NAV2: variants seen among roughly 807,000 people sequenced by gnomAD.
NAV2 encodes the protein neuron navigator 2, also known as helicase, APC down-regulated 1.
Under a neutral mutation model 223.2 loss-of-function variants are expected in NAV2, and 54 were observed. The ratio of observed to expected loss-of-function variants is 0.24; its 90% confidence interval spans 0.19 to 0.30. The LOEUF is 0.30. Among genes scored for constraint, NAV2 ranks in the 10% least tolerant of loss-of-function variants. The probability of loss-of-function intolerance (pLI) is 1.00; values close to 1 mark genes in which losing one functional copy is unlikely to be tolerated. For missense variants in NAV2, 2,806 were observed against 3,147.5 expected (o/e 0.89, Z 2.60); for synonymous variants, 1,279 against 1,239.3 (o/e 1.03, Z -0.67).
chr11:19,549,986 G>A (rs923495361), intron 1 of NAV2, among the ~76,000 whole-genome samples: 5 of 152,220 alleles, frequency 3.3e-5, no homozygotes, highest in African/African-American at 9.6e-5. Flanking sequence ...AGCCTCCCCC[G>A]GCTTCTGCTG....
chr11:19,405,181 T>C (rs1849842056), intron 1 of NAV2, among the ~76,000 whole-genome samples: 1 of 152,190 alleles, frequency 6.6e-6, no homozygotes, highest in Admixed American at 6.5e-5. Flanking sequence ...AGGCTGCTGG[T>C]CTTAGACCCC....
upstream of NAV2, among the ~76,000 whole-genome samples, chr11:19,712,825 C>T (rs1420308346): frequency 6.6e-6 from 1 of 151,468 alleles, no homozygotes; most frequent in South Asian, 2.1e-4. Context: ...GCAGCAGCGC[C>T]GGCAGCAGCC....
chr11:19,808,522 T>A (rs1007910799), intron 1 of NAV2, among the ~76,000 whole-genome samples: 1 of 152,210 alleles, frequency 6.6e-6, no homozygotes, highest in Non-Finnish European at 1.5e-5. Context: ...TTTGTCACTT[T>A]ATTTTTTCTT....
chr11:19,622,453 G>A (rs961320578), intron 1 of NAV2, among the ~76,000 whole-genome samples: 22 of 152,104 alleles, frequency 1.4e-4, no homozygotes, highest in African/African-American at 4.8e-4. Flanking sequence ...TATTGGGTTG[G>A]TATATATTTA....
At chr11:20,057,710 G>A (rs2058453613) in intron 19 of NAV2, among the ~76,000 whole-genome samples, 1 of 152,184 alleles carries the variant, frequency 6.6e-6, no homozygotes, top group South Asian at 2.1e-4. Flanking sequence ...GTCTTCCTGA[G>A]TGAACCACGT....
intron 26 of NAV2, among the ~76,000 whole-genome samples, chr11:20,089,660 A>G (rs2060690267): frequency 6.6e-6 from 1 of 152,220 alleles, no homozygotes; most frequent in Non-Finnish European, 1.5e-5. Context: ...AAGAAATGTC[A>G]AAGCTTTCTA....
intron 1 of NAV2, among the ~76,000 whole-genome samples, chr11:19,381,679 G>T (rs2133931882): frequency 6.6e-6 from 1 of 152,280 alleles, no homozygotes; most frequent in East Asian, 1.9e-4. Flanking sequence ...GTTGGGATTG[G>T]GAGAGGAACA....
At chr11:19,772,644 T>C (rs1214766370) in intron 1 of NAV2, among the ~76,000 whole-genome samples, 1 of 152,188 alleles carries the variant, frequency 6.6e-6, no homozygotes, top group Non-Finnish European at 1.5e-5. Context: ...CTCCTCCCCA[T>C]GGGGTGCCAC....
chr11:19,422,270 G>A (rs1337639571), intron 1 of NAV2, among the ~76,000 whole-genome samples: 1 of 152,192 alleles, frequency 6.6e-6, no homozygotes, highest in Non-Finnish European at 1.5e-5. Context: ...TTGGTACGTG[G>A]TGGTTTACTC....
intron 1 of NAV2, among the ~76,000 whole-genome samples, chr11:19,494,032 C>A (rs1564984446): frequency 6.6e-6 from 1 of 152,224 alleles, no homozygotes; most frequent in South Asian, 2.1e-4. Flanking sequence ...CTGATCCCTG[C>A]AGACCAGACT....
At chr11:19,877,470 C>CTTTTTTTTTTTTTTCT (rs1555114909) in intron 4 of NAV2, among the ~76,000 whole-genome samples, 1 of 82,592 alleles carries the variant, frequency 1.2e-5, no homozygotes, top group Non-Finnish European at 2.2e-5. Context: ...TATCTTCATT[C>CTTTTTTTTTTTTTTCT]TTTTTTTTTT....
intron 1 of NAV2, among the ~76,000 whole-genome samples, chr11:19,590,530 G>A (rs1412270850): frequency 6.6e-6 from 1 of 152,102 alleles, no homozygotes; most frequent in African/African-American, 2.4e-5. Flanking sequence ...GTCCTTTTCG[G>A]TTGCTCCTTT....
At chr11:19,742,954 A>AGCAG in intron 1 of NAV2, among the ~76,000 whole-genome samples, 1 of 152,222 alleles carries the variant, frequency 6.6e-6, no homozygotes, top group East Asian at 1.9e-4. Context: ...AAAGATGTCA[A>AGCAG]AGTTTGTAGC....
At chr11:19,708,760 G>A (rs534769345), upstream of NAV2, among the ~76,000 whole-genome samples, 29 of 152,130 alleles carry the variant, frequency 1.9e-4, no homozygotes, top group South Asian at 3.9e-3. Context: ...TTGATAATAC[G>A]TTTCAATTTG....
At chr11:19,649,124 T>C (rs562632899) in intron 1 of NAV2, among the ~76,000 whole-genome samples, 173 of 152,320 alleles carry the variant, frequency 1.1e-3, no homozygotes, top group African/African-American at 4.0e-3. Flanking sequence ...AGTGTTTCTA[T>C]AGCATAAACT....
intron 10 of NAV2, among the ~76,000 whole-genome samples, chr11:19,951,007 A>G (rs1435603145): frequency 6.6e-6 from 1 of 152,156 alleles, no homozygotes; most frequent in African/African-American, 2.4e-5. Flanking sequence ...CCCTCTCTGT[A>G]ATGGAGGTTT....
intron 1 of NAV2, among the ~76,000 whole-genome samples, chr11:19,813,553 T>G (rs1590685972): frequency 6.6e-6 from 1 of 152,034 alleles, no homozygotes; most frequent in African/African-American, 2.4e-5. Flanking sequence ...TTGCAGCAGT[T>G]TGGAGTCAGG....
intron 20 of NAV2, among the ~76,000 whole-genome samples, chr11:20,064,347 G>A (rs1367252228): frequency 6.6e-6 from 1 of 152,188 alleles, no homozygotes; most frequent in Non-Finnish European, 1.5e-5. Context: ...ACTGACGGAG[G>A]AAGCTGTAGG....
At chr11:19,360,351 G>C (rs1218564981) in intron 1 of NAV2, among the ~76,000 whole-genome samples, 2 of 152,078 alleles carry the variant, frequency 1.3e-5, no homozygotes, top group Non-Finnish European at 2.9e-5. Flanking sequence ...TGTCCTCTTG[G>C]TAATTTTCCA....
Sources: allele counts gnomAD v4.1 joint callset (sites outside exome capture counted in the v4.1 genomes callset), GRCh38; gene constraint gnomAD v4.1.1; transcripts MANE v1.5; gene names NCBI Gene and HGNC (gene_info 2026-07-23, HGNC 2026-07-21).